The following ATP8A2 variants were observed in gnomAD, a reference collection of about 807,000 sequenced individuals.
The protein encoded by ATP8A2 is ATPase phospholipid transporting 8A2.
A neutral mutation model predicts 165.6 loss-of-function variants in ATP8A2; 100 were observed. The ratio of observed to expected loss-of-function variants is 0.60; its 90% CI spans 0.51 to 0.71. The LOEUF is 0.71. Ranked by LOEUF, ATP8A2 falls within the 30% of genes least tolerant of loss-of-function variation. The probability of loss-of-function intolerance (pLI) is 0.00; values close to 1 mark genes in which losing one functional copy is unlikely to be tolerated. For missense variants in ATP8A2, 1,227 were observed against 1,479.5 expected, an observed-to-expected ratio of 0.83 and a Z score of 2.80; for synonymous variants, 543 against 548.8, an observed-to-expected ratio of 0.99 and a Z score of 0.15.
rs778456421 is a variant in ATP8A2 at position 25,540,314 on chromosome 13, C to CT, written c.582-3dup. 1 of 1,611,952 alleles carries CT rather than the reference C, an allele frequency of 6.2e-7. No homozygotes were observed. Among genetic ancestry groups the CT allele is most frequent in the Admixed American group, 1.7e-5 (1 of 59,926 alleles). On this transcript the variant is annotated splice_region_variant and splice_polypyrimidine_tract_variant and intron_variant, in intron 7 of 36. Coordinates refer to ENST00000381655, the MANE Select transcript of ATP8A2 (RefSeq NM_016529.6). ...AAACTTGGCTCTTTTTTTCTCTCTCCTTAGTGAACCTCAGGCAATGTGTTA... is the reference window on the plus strand; with the variant it reads ...AAACTTGGCTCTTTTTTTCTCTCTCCTTTAGTGAACCTCAGGCAATGTGTTA...
rs200773364 is a variant in ATP8A2 at position 25,581,905 on chromosome 13, A to G, written c.2094A>G (p.Glu698=). The part of the protein sequence containing the change: ...PETIATLLKA[E]IKIWVLTGDK... Reference sequence around the variant, plus strand: ...CCATCGCAACACTGTTGAAGGCAGAAATTAAAATATGGGTGTTGACAGGAG... The same window carrying G: ...CCATCGCAACACTGTTGAAGGCAGAGATTAAAATATGGGTGTTGACAGGAG... The change falls in exon 23 of 37, where the codon GAA becomes GAG. Residue 698 remains glutamate (E), a synonymous_variant. Transcript: ENST00000381655. The G allele has an allele frequency of 2.5e-4, 396 of 1,613,946 alleles. No individual in the cohort carries two copies. In the African/African-American group the frequency reaches 5.1e-3, roughly 21 times the overall value.
intron 1 of ATP8A2, 197 bp from the exon 2 acceptor site, chr13:25,468,780 G>T (rs996809568): frequency 3.1e-6 from 3 of 962,186 alleles, no homozygotes; most frequent in Non-Finnish European, 3.7e-6. Flanking sequence ...GGGCGGGGCC[G>T]GGGGCGGGGC....
intron 2 of ATP8A2, among the ~76,000 whole-genome samples, chr13:25,498,732 C>T (rs1405657001): frequency 6.6e-6 from 1 of 152,192 alleles, no homozygotes; most frequent in Non-Finnish European, 1.5e-5. Flanking sequence ...TTGTTGAGAA[C>T]ATACTATGTC....
At chr13:25,854,860 T>C (rs1952112446) in intron 30 of ATP8A2, among the ~76,000 whole-genome samples, 1 of 152,190 alleles carries the variant, frequency 6.6e-6, no homozygotes, top group South Asian at 2.1e-4. Flanking sequence ...AGTATGCAAT[T>C]CTATGGTTTT....
At chr13:25,381,910 G>A (rs2032852066) in intron 1 of ATP8A2, among the ~76,000 whole-genome samples, 1 of 152,176 alleles carries the variant, frequency 6.6e-6, no homozygotes, top group African/African-American at 2.4e-5. Flanking sequence ...GATGCCGTCT[G>A]TGTAAACATT....
intron 30 of ATP8A2, among the ~76,000 whole-genome samples, chr13:25,847,620 A>G (rs1951896789): frequency 6.6e-6 from 1 of 152,208 alleles, no homozygotes; most frequent in South Asian, 2.1e-4. Context: ...AGGGAATCTC[A>G]GGGGCTTAAC....
intron 4 of ATP8A2, among the ~76,000 whole-genome samples, chr13:25,531,290 ATATATATGT>A (rs1156394513): frequency 8.7e-4 from 45 of 51,740 alleles, no homozygotes; most frequent in African/African-American, 1.8e-3. Flanking sequence ...GTTATATATG[ATATATATGT>A]TATATATGAT....
intron 33 of ATP8A2, chr13:25,944,875 G>A (rs1317150906): frequency 6.6e-6 from 1 of 152,232 alleles, no homozygotes; most frequent in Non-Finnish European, 1.5e-5. Context: ...GTCTCTTACT[G>A]TATGACCTTG....
At chr13:26,009,644 G>A (rs1327840849) in intron 35 of ATP8A2, among the ~76,000 whole-genome samples, 1 of 152,176 alleles carries the variant, frequency 6.6e-6, no homozygotes, top group East Asian at 1.9e-4. Flanking sequence ...AATAACTGAG[G>A]TGGTGGATGG....
At chr13:25,996,981 G>A (rs953147566) in intron 35 of ATP8A2, among the ~76,000 whole-genome samples, 2 of 151,982 alleles carry the variant, frequency 1.3e-5, no homozygotes, top group African/African-American at 4.8e-5. Flanking sequence ...ACCATGCCCA[G>A]CCCATCTTTG....
chr13:25,824,312 T>C (rs1321809871), intron 27 of ATP8A2, among the ~76,000 whole-genome samples: 2 of 152,186 alleles, frequency 1.3e-5, no homozygotes, highest in African/African-American at 4.8e-5. Context: ...TTAGGGTAGC[T>C]TCAGTTTGTA....
At chr13:25,746,624 G>A (rs896017693) in intron 25 of ATP8A2, among the ~76,000 whole-genome samples, 2 of 152,202 alleles carry the variant, frequency 1.3e-5, no homozygotes, top group Non-Finnish European at 2.9e-5. Context: ...TTGTGGGAAA[G>A]CTGGTGATCC....
intron 1 of ATP8A2, among the ~76,000 whole-genome samples, chr13:25,430,693 T>G (rs516672): frequency 0.68 from 103,788 of 151,858 alleles, 36,236 homozygotes; most frequent in East Asian, 0.99. Flanking sequence ...CGCCTCCCAG[T>G]TTCAAGCGAT....
intron 24 of ATP8A2, among the ~76,000 whole-genome samples, chr13:25,610,835 T>TATA (rs1256012983): frequency 6.6e-6 from 1 of 151,982 alleles, no homozygotes; most frequent in African/African-American, 2.4e-5. Flanking sequence ...TAGCAGTGTT[T>TATA]ATATTTTTCC....
chr13:25,966,352 C>G (rs1333888234), intron 34 of ATP8A2, among the ~76,000 whole-genome samples: 3 of 152,208 alleles, frequency 2.0e-5, no homozygotes, highest in Non-Finnish European at 4.4e-5. Flanking sequence ...GTGGCTAATG[C>G]TTAACAACTG....
intron 25 of ATP8A2, among the ~76,000 whole-genome samples, chr13:25,758,978 AAGAGAGAGAAAG>A (rs761927866): frequency 3.9e-5 from 6 of 152,090 alleles, no homozygotes; most frequent in Non-Finnish European, 2.9e-5. Flanking sequence ...CAAATTAAGA[AAGAGAGAGAAAG>A]AGAGAGAGAA....
intron 35 of ATP8A2, among the ~76,000 whole-genome samples, chr13:25,996,520 C>A (rs1956507798): frequency 6.6e-6 from 1 of 151,992 alleles, no homozygotes; most frequent in Admixed American, 6.6e-5. Flanking sequence ...ATAGAACTTT[C>A]TTATTATTAT....
chr13:25,731,795 T>C (rs2043653605), intron 25 of ATP8A2, among the ~76,000 whole-genome samples: 2 of 152,212 alleles, frequency 1.3e-5, no homozygotes, highest in Admixed American at 1.3e-4. Context: ...CACTTAGAAC[T>C]AGGAAAATCC....
At chr13:25,892,710 C>A (rs369619608) in intron 33 of ATP8A2, among the ~76,000 whole-genome samples, 14 of 152,168 alleles carry the variant, frequency 9.2e-5, no homozygotes, top group African/African-American at 3.4e-4. Flanking sequence ...CCTCCATCCC[C>A]CTCCTCTGCC....
Sources: gnomAD v4.1 joint callset for allele counts (sites outside exome capture counted in the v4.1 genomes callset) on GRCh38, gnomAD v4.1.1 for gene constraint, MANE v1.5 for transcripts, NCBI Gene and HGNC (gene_info 2026-07-23, HGNC 2026-07-21) for gene names.